The following PPFIBP1 variants were observed in gnomAD, a reference collection of about 807,000 sequenced individuals.
The protein encoded by PPFIBP1 is PPFIB scaffold protein 1.
PPFIBP1 carries 112 observed loss-of-function variants against 137.8 expected under a neutral mutation model. The observed-to-expected ratio is 0.81, with a 90% CI of 0.70 to 0.95. The LOEUF is 0.95. Ranked by LOEUF, PPFIBP1 falls within the 40% of genes least tolerant of loss-of-function variation. The probability of loss-of-function intolerance (pLI) is 0.00; values close to 1 mark genes in which losing one functional copy is unlikely to be tolerated. For missense variants in PPFIBP1, 1,083 were observed against 1,196.6 expected, an observed-to-expected ratio of 0.91 and a Z score of 1.40; for synonymous variants, 378 against 417.3, an observed-to-expected ratio of 0.91 and a Z score of 1.15.
intron 1 of PPFIBP1, among the ~76,000 whole-genome samples, chr12:27,525,513 GAAAAAAAA>G (rs56656340): frequency 2.1e-5 from 2 of 93,752 alleles, no homozygotes; most frequent in East Asian, 3.1e-4. Context: ...GAGCAGGAAG[GAAAAAAAA>G]AAAAAAAAAA....
At chr12:27,554,922 A>G (rs2048589872) in intron 1 of PPFIBP1, among the ~76,000 whole-genome samples, 3 of 151,818 alleles carry the variant, frequency 2.0e-5, no homozygotes, top group African/African-American at 7.3e-5. Context: ...TGTCCTAGGA[A>G]GTTAAGGGAG....
At chr12:27,646,915 G>A (rs2058540941) in intron 5 of PPFIBP1, among the ~76,000 whole-genome samples, 2 of 152,194 alleles carry the variant, frequency 1.3e-5, no homozygotes, top group Admixed American at 6.5e-5. Context: ...GCACCTTTGG[G>A]TATATTGAGT....
At chr12:27,560,864 A>G (rs1478570864) in intron 1 of PPFIBP1, among the ~76,000 whole-genome samples, 1 of 152,222 alleles carries the variant, frequency 6.6e-6, no homozygotes, top group Non-Finnish European at 1.5e-5. Flanking sequence ...CCTATGTACT[A>G]AACTTTTTCT....
chr12:27,643,133 A>G (rs1163211874), intron 4 of PPFIBP1, among the ~76,000 whole-genome samples: 1 of 148,366 alleles, frequency 6.7e-6, no homozygotes, highest in Non-Finnish European at 1.5e-5. Context: ...TACAGGAGGA[A>G]AAAGGAGCCA....
chr12:27,605,529 G>A (rs984491067), intron 2 of PPFIBP1, among the ~76,000 whole-genome samples: 5 of 151,858 alleles, frequency 3.3e-5, no homozygotes, highest in African/African-American at 9.7e-5. Flanking sequence ...AAGAGACATA[G>A]GAATAGGTAA....
At chr12:27,600,227 C>T (rs1262151211) in intron 2 of PPFIBP1, among the ~76,000 whole-genome samples, 1 of 152,096 alleles carries the variant, frequency 6.6e-6, no homozygotes, top group Admixed American at 6.6e-5. Context: ...CACCTGAGGT[C>T]AGGAGTTTGA....
intron 11 of PPFIBP1, among the ~76,000 whole-genome samples, chr12:27,662,964 G>T (rs1265798912): frequency 6.6e-6 from 1 of 152,182 alleles, no homozygotes; most frequent in Non-Finnish European, 1.5e-5. Context: ...TTGGCTAGGT[G>T]ATTCTTCTGA....
At chr12:27,573,677 G>A (rs1017472590) in intron 1 of PPFIBP1, among the ~76,000 whole-genome samples, 2 of 152,122 alleles carry the variant, frequency 1.3e-5, no homozygotes. Context: ...GGAGACTAGC[G>A]TGATTAAAAA....
intron 18 of PPFIBP1, 134 bp from the exon 19 acceptor site, chr12:27,676,930 C>T (rs1045244706): frequency 1.8e-6 from 2 of 1,097,268 alleles, no homozygotes; most frequent in African/African-American, 3.1e-5. Flanking sequence ...ACATCAGAAG[C>T]ACTGTGTGCC....
chr12:27,650,281 C>T, intron 7 of PPFIBP1, 140 bp downstream of exon 7: 1 of 545,066 alleles, frequency 1.8e-6, no homozygotes, highest in Admixed American at 4.1e-5. Flanking sequence ...GTACCATCAT[C>T]CTACTTCATT....
chr12:27,564,648 G>A (rs1382224275), intron 1 of PPFIBP1, among the ~76,000 whole-genome samples: 2 of 152,134 alleles, frequency 1.3e-5, no homozygotes, highest in Non-Finnish European at 2.9e-5. Flanking sequence ...GGCCTTTGAT[G>A]TGTGTCTGTC....
chr12:27,636,953 C>G (rs187956012), intron 4 of PPFIBP1: 1 of 152,330 alleles, frequency 6.6e-6, no homozygotes, highest in East Asian at 1.9e-4. Context: ...GCCTGGAAAG[C>G]TCTTTCGCCA....
intron 1 of PPFIBP1, among the ~76,000 whole-genome samples, chr12:27,556,394 A>C (rs1244374291): frequency 6.6e-6 from 1 of 152,230 alleles, no homozygotes; most frequent in Non-Finnish European, 1.5e-5. Context: ...AACCAGTTTC[A>C]GGCGTCACAC....
At chr12:27,553,247 T>C (rs906133700) in intron 1 of PPFIBP1, among the ~76,000 whole-genome samples, 11 of 152,100 alleles carry the variant, frequency 7.2e-5, no homozygotes, top group Non-Finnish European at 7.4e-5. Context: ...AAACTACAAG[T>C]CTGATCTCTC....
intron 2 of PPFIBP1, among the ~76,000 whole-genome samples, chr12:27,615,212 A>G (rs899675923): frequency 3.3e-5 from 5 of 152,224 alleles, no homozygotes; most frequent in Non-Finnish European, 5.9e-5. Flanking sequence ...TACAAAATCC[A>G]GGAAATTATA....
At chr12:27,658,501 C>G (rs1302900367) in intron 9 of PPFIBP1, among the ~76,000 whole-genome samples, 1 of 152,164 alleles carries the variant, frequency 6.6e-6, no homozygotes, top group African/African-American at 2.4e-5. Flanking sequence ...GTGACACTAA[C>G]TAGGTTTTCA....
chr12:27,652,712 G>A (rs1022184889), intron 7 of PPFIBP1, among the ~76,000 whole-genome samples: 26 of 152,128 alleles, frequency 1.7e-4, no homozygotes, highest in African/African-American at 6.0e-4. Flanking sequence ...GAGCAAAGAA[G>A]AAAGGAAGCT....
chr12:27,630,168 A>G (rs2057159587), intron 2 of PPFIBP1, among the ~76,000 whole-genome samples: 1 of 151,846 alleles, frequency 6.6e-6, no homozygotes, highest in Admixed American at 6.6e-5. Context: ...GAAAAGAAAT[A>G]GCAGGACAAT....
intron 5 of PPFIBP1, among the ~76,000 whole-genome samples, chr12:27,647,431 A>T (rs2058592331): frequency 6.6e-6 from 1 of 152,212 alleles, no homozygotes; most frequent in South Asian, 2.1e-4. Flanking sequence ...CCCTAAAAAG[A>T]TAACTTCTGT....
Sources: gnomAD v4.1 joint callset for allele counts (sites outside exome capture counted in the v4.1 genomes callset) on GRCh38, gnomAD v4.1.1 for gene constraint, MANE v1.5 for transcripts, NCBI Gene and HGNC (gene_info 2026-07-23, HGNC 2026-07-21) for gene names.